The following DUOX2 variants were observed in gnomAD, a reference collection of about 807,000 sequenced individuals.
DUOX2 encodes the protein NADH/NADPH thyroid oxidase p138-tox.
A neutral mutation model predicts 183.3 loss-of-function variants in DUOX2; 185 were observed. The observed-to-expected ratio is 1.01, with a 90% CI of 0.90 to 1.14. DUOX2 has a LOEUF of 1.14. Among genes scored for constraint, DUOX2 ranks in the 50% most tolerant of loss-of-function variants. DUOX2 has a pLI of 0.00. For missense variants in DUOX2, 1,999 were observed against 2,022.9 expected, an observed-to-expected ratio of 0.99 and a Z score of 0.23; for synonymous variants, 788 against 812.4, an observed-to-expected ratio of 0.97 and a Z score of 0.51.
chr15:45,096,520 T>C (rs529158962), intron 29 of DUOX2, among the ~76,000 whole-genome samples: 29 of 152,230 alleles, frequency 1.9e-4, no homozygotes, highest in Admixed American at 1.8e-3. Context: ...CTAAGGTAAG[T>C]GGAAAACCAG....
chr15:45,107,317 C>A, intron 14 of DUOX2, 28 bp downstream of exon 14: 1 of 1,612,506 alleles, frequency 6.2e-7, no homozygotes, highest in Non-Finnish European at 8.5e-7. Flanking sequence ...GCCACTGTCA[C>A]TCACTTGTGT....
rs1894212270 is a variant in DUOX2, at chr15:45,106,292, G to C, written c.1981C>G (p.Pro661Ala). Residue 661 changes from proline (P) to alanine (A), a missense_variant, in exon 17 of 34, where the codon CCC becomes GCC. Coordinates refer to ENST00000389039, the MANE Select transcript of DUOX2 (RefSeq NM_001363711.2). ...TCTGACAGCAGCTGGATGATGATGG[G>C]ACTGCTCCTCTCCTTGGGGCCTGGC... ...EWPGPKERSS[P>A]IIIQLLSDRC... 1 of 1,614,122 alleles carries C rather than the reference G, an allele frequency of 6.2e-7. No individual in the cohort carries two copies. The highest frequency in any genetic ancestry group is 1.1e-5 in the South Asian group (1 of 91,084).
At position 45,108,111 on chromosome 15, in the gene DUOX2, C is replaced by G. The variant is rs1894273770; in HGVS notation, c.1510G>C (p.Val504Leu). The change falls in exon 13 of 34, where the codon GTC (valine) becomes CTC (leucine). Residue 504 changes from valine to leucine, a missense_variant. Around this residue, in one of 3 missense-constraint regions of DUOX2, gnomAD observed 1,628 missense variants for 1,608.6 expected, o/e 1.01. Transcript: ENST00000389039. ...CGCAGCCGTACAAACTGGTCGAGGA[C>G]AATGGCACTGAACAGGGGTCCAGGG... Reference protein sequence around the residue: ...GDPGPLFSAIVLDQFVRLRDG... With the variant: ...GDPGPLFSAILLDQFVRLRDG... 3.1e-6 allele frequency: 5 copies of G among 1,614,020 alleles called. No individual in the cohort carries two copies. The highest frequency in any genetic ancestry group is 4.2e-6 in the Non-Finnish European group (5 of 1,180,026).
chr15:45,109,112 GC>G, intron 11 of DUOX2, 160 bp from the exon 12 acceptor site: 2 of 940,480 alleles, frequency 2.1e-6, no homozygotes, highest in Non-Finnish European at 3.3e-6. Flanking sequence ...TTGCTGCAAG[GC>G]CAATGTCACC....
In DUOX2 at chr15:45,099,711, G is replaced by A. The variant is rs372219394; in HGVS notation, c.3366C>T (p.Ala1122=). 43 of 1,614,156 alleles carry A rather than the reference G, an allele frequency of 2.7e-5. No homozygotes were observed. In the African/African-American group the frequency reaches 2.8e-4, roughly 11 times the overall value. Residue 1122 remains alanine (A), a synonymous_variant, in exon 25 of 34, where the codon GCC becomes GCT. Coordinates refer to ENST00000389039, the MANE Select transcript of DUOX2 (RefSeq NM_001363711.2). ...CGATCCAGCGGTGGAAGTCCACTGC[G>A]GCATCAAAAGGCACATAGCGGTTGA... ...TFLNRYVPFD[A]AVDFHRWIAM...
chr15:45,110,548 T>C, intron 8 of DUOX2, 24 bp from the exon 9 acceptor site: 1 of 1,614,010 alleles, frequency 6.2e-7, no homozygotes, highest in South Asian at 1.1e-5. Context: ...ACGGTGATGA[T>C]GGGGAGACAG....
intron 27 of DUOX2, 69 bp from the exon 28 acceptor site, chr15:45,097,810 C>T: frequency 1.9e-6 from 3 of 1,611,234 alleles, no homozygotes; most frequent in Non-Finnish European, 2.5e-6. Context: ...GACAACAGCA[C>T]ATTCCCCTAT....
chr15:45,107,466 A>C lies in DUOX2; in HGVS notation c.1575-3T>G, dbSNP rs1894250731. The C allele has an allele frequency of 6.2e-7, 1 of 1,613,740 alleles. No individual in the cohort carries two copies. The highest frequency in any genetic ancestry group is 8.5e-7 in the Non-Finnish European group (1 of 1,179,854). ...CAATCTCCTTCTTGGAGAACAGCCT[A>C]AGTTGGAGGAAGTAGAAGTCACTGG... On this transcript the variant is annotated splice_region_variant and splice_polypyrimidine_tract_variant and intron_variant, in intron 13 of 33. Transcript: ENST00000389039.
Position 45,106,533 on chromosome 15 carries a change from A to G in DUOX2, c.1940T>C (p.Val647Ala), listed in dbSNP as rs952548802. The G allele has an allele frequency of 6.2e-7, 1 of 1,613,282 alleles. No individual in the cohort carries two copies. The highest frequency in any genetic ancestry group is 1.3e-5 in the African/African-American group (1 of 74,686). ...SVKKEAAKDGVPAMEWPGPKE... is the reference protein window; with the variant it reads ...SVKKEAAKDGAPAMEWPGPKE... ...TCTGCCCAGCCCCTGCTCACCTGGC[A>G]CTCCATCTTTGGCTGCTTCCTTCTT... Residue 647 changes from valine to alanine, a missense_variant, in exon 16 of 34, where the codon GTG (valine) becomes GCG (alanine). This residue lies in a region of DUOX2 where 1,628 missense variants were observed against 1,608.6 expected (regional missense o/e 1.01). Coordinates refer to ENST00000389039, the MANE Select transcript of DUOX2 (RefSeq NM_001363711.2).
chr15:45,105,636 A>G lies in DUOX2; in HGVS notation c.2334+7T>C. 6.2e-7 allele frequency: 1 copy of G among 1,614,186 alleles called. No individual in the cohort carries two copies. The highest frequency in any genetic ancestry group is 8.5e-7 in the Non-Finnish European group (1 of 1,180,022). ...GACCCATCTCCAAAAGGCACAGGTC[A>G]TGGCACCTGAGCAAAAAGGTGTCTG... On this transcript the variant is annotated splice_region_variant and intron_variant, in intron 18 of 33. Coordinates refer to ENST00000389039, the MANE Select transcript of DUOX2 (RefSeq NM_001363711.2).
At chr15:45,094,505 C>G in intron 33 of DUOX2, 58 bp downstream of exon 33, 11 of 1,573,512 alleles carry the variant, frequency 7.0e-6, no homozygotes, top group Non-Finnish European at 9.5e-6. Flanking sequence ...TGCTTCAGGG[C>G]CAGGATGTCC....
At chr15:45,101,557 C>T (rs1260040861) in intron 21 of DUOX2, 6 of 627,992 alleles carry the variant, frequency 9.6e-6, no homozygotes, top group African/African-American at 3.7e-5. Context: ...AGAGCAATGC[C>T]GGTGGCTTTG....
chr15:45,097,499 G>T (rs1481696277), intron 28 of DUOX2, 108 bp from the exon 29 acceptor site: 1 of 1,612,214 alleles, frequency 6.2e-7, no homozygotes, highest in Admixed American at 1.7e-5. Flanking sequence ...CTGAGGTCTG[G>T]GGTCTTAAAT....
chr15:45,100,008 G>A (rs781528511), intron 24 of DUOX2, 42 bp downstream of exon 24: 1 of 1,614,070 alleles, frequency 6.2e-7, no homozygotes, highest in South Asian at 1.1e-5. Flanking sequence ...CCAAGGGTCA[G>A]AGCCTGCTCC....
At position 45,106,264 on chromosome 15, in the gene DUOX2, C is replaced by T. The variant is rs369355365; in HGVS notation, c.2009G>A (p.Arg670Lys). The change falls in exon 17 of 34, where the codon AGG (arginine) becomes AAG (lysine). Residue 670 changes from arginine to lysine, a missense_variant. Physicochemically the swap from Arg to Lys is conservative, Grantham distance 26 (BLOSUM62 2). This residue lies in a region of DUOX2 where 1,628 missense variants were observed against 1,608.6 expected (regional missense o/e 1.01). Transcript: ENST00000389039. ...SPIIIQLLSDRCLQVLNRHLT... is the reference protein window; with the variant it reads ...SPIIIQLLSDKCLQVLNRHLT... Reference sequence around the variant, plus strand: ...ATGCCTGTTCAGGACCTGCAGACACCTGTCTGACAGCAGCTGGATGATGAT... The same window carrying T: ...ATGCCTGTTCAGGACCTGCAGACACTTGTCTGACAGCAGCTGGATGATGAT... 6.2e-6 allele frequency: 10 copies of T among 1,613,982 alleles called. No homozygotes were observed. The African/African-American group carries it at 1.3e-4, about 22-fold the overall frequency.
chr15:45,100,627 C>A lies in DUOX2; in HGVS notation c.3005+128G>T, dbSNP rs548830046. On this transcript the variant is annotated intron_variant, in intron 23 of 33. Transcript: ENST00000389039. ...TCATTCAACACTGTAACCTCTCAGT[C>A]AGGTCAGGAACAAATGGAATGAGAC... is the stretch of plus-strand genomic sequence containing the variant. 1.9e-4 allele frequency: 166 copies of A among 856,866 alleles called. 1 individual carries two copies. The Admixed American group carries it at 2.1e-3, about 11-fold the overall frequency. The allele number at this position is 856,866 out of a possible 1,614,324, so 53.1% of individuals were successfully genotyped here. A position where few individuals can be genotyped will look rare whatever the true frequency, so the allele number is the denominator to read the frequency against.
At chr15:45,099,977 C>T in intron 24 of DUOX2, 73 bp downstream of exon 24, 1 of 1,611,188 alleles carries the variant, frequency 6.2e-7, no homozygotes, top group Non-Finnish European at 8.5e-7. Context: ...CTCTTAGGAT[C>T]AGAGGGCTTT....
In DUOX2 at chr15:45,098,048, G is replaced by A; in HGVS notation, c.3526C>T (p.Pro1176Ser). The A allele has an allele frequency of 1.2e-6, 2 of 1,614,092 alleles. No homozygotes were observed. Among genetic ancestry groups the A allele is most frequent in the Middle Eastern group, 3.3e-4 (2 of 6,062 alleles). The change falls in exon 27 of 34, where the codon CCC becomes TCC. Residue 1176 changes from proline (P) to serine (S), a missense_variant. Physicochemically the swap from Pro to Ser is moderately conservative, Grantham distance 74 (BLOSUM62 -1). Around this residue, in one of 3 missense-constraint regions of DUOX2, gnomAD observed 1,628 missense variants for 1,608.6 expected, o/e 1.01. Transcript: ENST00000389039. ...NVFVNDGSKL[P>S]QKFYWWFFQT... ...AAGAACCACCAATAGAACTTCTGGG[G>A]AAGCTTGGACCTGGGGGGCAAAGGC... is the stretch of plus-strand genomic sequence containing the variant.
In DUOX2 at chr15:45,106,166, ATCC is replaced by A. The variant is rs779340990; in HGVS notation, c.2104_2106del (p.Gly702del). 26 of 1,614,200 alleles carry A rather than the reference ATCC, an allele frequency of 1.6e-5. No individual in the cohort carries two copies. In the East Asian group the frequency reaches 5.6e-4, roughly 35 times the overall value. Reference sequence around the variant, plus strand: ...GGGATCTTGAGCAGCAGGGTGCGGCATCCTCGGTTGTTGGACAGGATGAGGTTG... The same window carrying A: ...GGGATCTTGAGCAGCAGGGTGCGGCATCGGTTGTTGGACAGGATGAGGTTG... On this transcript the variant is annotated inframe_deletion, in exon 17 of 34. Coordinates refer to ENST00000389039, the MANE Select transcript of DUOX2 (RefSeq NM_001363711.2).
Sources: gnomAD v4.1 joint callset for allele counts (sites outside exome capture counted in the v4.1 genomes callset) on GRCh38, gnomAD v4.1.1 for gene constraint, gnomAD v4.1.1 regional missense constraint, MANE v1.5 for transcripts, NCBI Gene and HGNC (gene_info 2026-07-23, HGNC 2026-07-21) for gene names.